Variants in PPARGC1A observed in about 807,000 individuals in gnomAD.
PPARGC1A encodes peroxisome proliferator-activated receptor gamma coactivator 1-alpha.
PPARGC1A carries 25 observed loss-of-function variants against 88.7 expected under a neutral mutation model. The observed-to-expected ratio is 0.28, with a 90% CI of 0.21 to 0.39. The LOEUF (loss-of-function observed/expected upper bound fraction) is 0.39, where lower values mean the gene tolerates loss of function less well. PPARGC1A is among the 10% of genes least tolerant of loss of function. The pLI is 1.00. For synonymous variants in PPARGC1A, 363 were observed against 355.6 expected (o/e 1.02, Z -0.24); for missense variants, 880 against 968.7 (o/e 0.91, Z 1.22).
At chr4:23,883,767 G>A (rs1206331835) in intron 2 of PPARGC1A, 2 of 152,162 alleles carry the variant, frequency 1.3e-5, no homozygotes, top group African/African-American at 4.8e-5. Context: ...TATTCAGCAT[G>A]TATTATATGC....
chr4:23,994,211 T>G, the PPARGC1A span, among the ~76,000 whole-genome samples: 1 of 152,162 alleles, frequency 6.6e-6, no homozygotes, highest in Non-Finnish European at 1.5e-5. Flanking sequence ...GCCCTGTCTA[T>G]GTAATTCCTG....
chr4:24,271,869 T>C, the PPARGC1A span, among the ~76,000 whole-genome samples: 501 of 152,278 alleles, frequency 3.3e-3, 6 homozygotes, highest in African/African-American at 0.012. Flanking sequence ...AATACATCTA[T>C]GTATTGAGAT....
At chr4:24,440,098 T>G in the PPARGC1A span, among the ~76,000 whole-genome samples, 12 of 152,254 alleles carry the variant, frequency 7.9e-5, no homozygotes, top group African/African-American at 2.9e-4. Flanking sequence ...AATAATTATG[T>G]GTGCAATTTG....
At chr4:24,045,450 G>C in the PPARGC1A span, among the ~76,000 whole-genome samples, 1 of 152,034 alleles carries the variant, frequency 6.6e-6, no homozygotes, top group Non-Finnish European at 1.5e-5. Context: ...CAGTTATAGA[G>C]GCTAAAAGTC....
the PPARGC1A span, among the ~76,000 whole-genome samples, chr4:24,436,574 C>A: frequency 9.5e-5 from 14 of 148,050 alleles, no homozygotes; most frequent in African/African-American, 2.8e-4. Context: ...CGATTGGCCA[C>A]CCCAGAGCCC....
chr4:24,025,832 C>T, the PPARGC1A span, among the ~76,000 whole-genome samples: 1 of 152,054 alleles, frequency 6.6e-6, no homozygotes, highest in Non-Finnish European at 1.5e-5. Flanking sequence ...TAAAAATCAT[C>T]ATCTAATTCA....
chr4:24,297,012 G>C, the PPARGC1A span, among the ~76,000 whole-genome samples: 2 of 152,068 alleles, frequency 1.3e-5, no homozygotes, highest in Non-Finnish European at 2.9e-5. Context: ...AGAGGAAGAA[G>C]ACAAAAGACA....
the PPARGC1A span, among the ~76,000 whole-genome samples, chr4:23,915,843 T>C: frequency 1.8e-4 from 27 of 152,256 alleles, no homozygotes; most frequent in Middle Eastern, 3.4e-3. Context: ...TGCAAATGTG[T>C]AGTGACAAGG....
chr4:24,228,119 G>T, the PPARGC1A span, among the ~76,000 whole-genome samples: 1 of 152,126 alleles, frequency 6.6e-6, no homozygotes, highest in African/African-American at 2.4e-5. Context: ...AGTGGGATGG[G>T]GGAACATCCT....
At chr4:24,094,197 T>C in the PPARGC1A span, among the ~76,000 whole-genome samples, 1 of 152,132 alleles carries the variant, frequency 6.6e-6, no homozygotes, top group Admixed American at 6.5e-5. Flanking sequence ...CCTTGGACAG[T>C]CACCTGGACC....
chr4:24,462,767 C>T, the PPARGC1A span, among the ~76,000 whole-genome samples: 51 of 150,594 alleles, frequency 3.4e-4, no homozygotes, highest in East Asian at 8.3e-3. Flanking sequence ...GCGGTCTGCT[C>T]AGCTGTCACA....
intron 2 of PPARGC1A, chr4:23,882,681 T>G (rs1413611625): frequency 6.6e-6 from 1 of 152,110 alleles, no homozygotes; most frequent in Admixed American, 6.6e-5. Context: ...AACTTCTGTT[T>G]TAGAGTGCTG....
the PPARGC1A span, among the ~76,000 whole-genome samples, chr4:24,308,293 G>GAA: frequency 2.7e-5 from 2 of 72,948 alleles, no homozygotes; most frequent in African/African-American, 4.9e-5. Flanking sequence ...CTCTGCCACC[G>GAA]AAAAAAAAAA....
the PPARGC1A span, among the ~76,000 whole-genome samples, chr4:24,015,267 G>T: frequency 0.61 from 92,086 of 150,740 alleles, 28,453 homozygotes; most frequent in African/African-American, 0.72. Flanking sequence ...GTATAGATGA[G>T]ATAGAGATAG....
the PPARGC1A span, among the ~76,000 whole-genome samples, chr4:24,115,276 T>C: frequency 6.6e-6 from 1 of 152,192 alleles, no homozygotes; most frequent in South Asian, 2.1e-4. Flanking sequence ...TGCACAATTG[T>C]CGCTTTAAAA....
chr4:24,323,258 G>A, the PPARGC1A span, among the ~76,000 whole-genome samples: 1 of 152,170 alleles, frequency 6.6e-6, no homozygotes, highest in Non-Finnish European at 1.5e-5. Flanking sequence ...GAAGATAAAT[G>A]ATGAGAAGCT....
chr4:24,071,549 T>C, the PPARGC1A span, among the ~76,000 whole-genome samples: 1 of 152,182 alleles, frequency 6.6e-6, no homozygotes, highest in African/African-American at 2.4e-5. Context: ...TAATTTTTAT[T>C]GGTCCATTAT....
chr4:23,896,129 G>A (rs1261305651), intron 1 of PPARGC1A, among the ~76,000 whole-genome samples: 3 of 151,992 alleles, frequency 2.0e-5, no homozygotes, highest in African/African-American at 4.8e-5. Flanking sequence ...AAGTTTACCT[G>A]TAAAAATATA....
At chr4:23,967,456 T>A in the PPARGC1A span, among the ~76,000 whole-genome samples, 1 of 152,120 alleles carries the variant, frequency 6.6e-6, no homozygotes, top group Non-Finnish European at 1.5e-5. Flanking sequence ...AGCAGACGCA[T>A]GCAGACAACA....
Sources: gnomAD v4.1 joint callset for allele counts (sites outside exome capture counted in the v4.1 genomes callset) on GRCh38, gnomAD v4.1.1 for gene constraint, MANE v1.5 for transcripts, NCBI Gene and HGNC (gene_info 2026-07-23, HGNC 2026-07-21) for gene names.